CYTH1: variants seen among roughly 807,000 people sequenced by gnomAD.
CYTH1 encodes the protein cytohesin 1.
In CYTH1, 18 loss-of-function variants were observed where a neutral mutation model predicts 61.8. The ratio of observed to expected loss-of-function variants is 0.29; its 90% confidence interval spans 0.20 to 0.43. CYTH1 has a LOEUF of 0.43. Among genes scored for constraint, CYTH1 ranks in the 20% least tolerant of loss-of-function variants. CYTH1 has a pLI of 1.00. For missense variants in CYTH1, 336 were observed against 510.5 expected, an observed-to-expected ratio of 0.66 and a Z score of 3.29; for synonymous variants, 174 against 184.3, an observed-to-expected ratio of 0.94 and a Z score of 0.45.
chr17:78,743,566 C>T (rs796812817), intron 1 of CYTH1, among the ~76,000 whole-genome samples: 3 of 152,174 alleles, frequency 2.0e-5, no homozygotes, highest in African/African-American at 7.2e-5. Context: ...ACTCCAAAAT[C>T]CAAAAAAATA....
intron 7 of CYTH1, among the ~76,000 whole-genome samples, 173 bp from the exon 8 acceptor site, chr17:78,699,141 C>T (rs1265609321): frequency 1.3e-5 from 2 of 152,098 alleles, no homozygotes; most frequent in Non-Finnish European, 2.9e-5. Context: ...CCAAGGCAGG[C>T]AGATCATGAG....
At chr17:78,743,507 G>A (rs1045504779) in intron 1 of CYTH1, among the ~76,000 whole-genome samples, 1 of 152,164 alleles carries the variant, frequency 6.6e-6, no homozygotes, top group African/African-American at 2.4e-5. Flanking sequence ...GGAGCATTTT[G>A]GATTTCCAGT....
rs146998956 is a variant in CYTH1 at position 78,677,100 on chromosome 17, C to T, written c.1119-931G>A. ...ATGAGAAAATGCTTCCGCAGCTCCCCGGGGAATGCTAGGAACTGAAGAGCA... is the reference window on the plus strand; with the variant it reads ...ATGAGAAAATGCTTCCGCAGCTCCCTGGGGAATGCTAGGAACTGAAGAGCA... On this transcript the variant is annotated intron_variant, in intron 13 of 13. Coordinates refer to ENST00000446868, the MANE Select transcript of CYTH1 (RefSeq NM_004762.6). 7.5e-4 allele frequency: 341 copies of T among 455,800 alleles called. 2 individuals are homozygous for T. Among genetic ancestry groups the T allele is most frequent in the African/African-American group, 5.5e-3 (276 of 50,186 alleles). 28.2% of individuals were successfully genotyped at this position (455,800 alleles called of 1,614,324 possible). A position where few individuals can be genotyped will look rare whatever the true frequency, so the allele number is the denominator to read the frequency against.
intron 1 of CYTH1, among the ~76,000 whole-genome samples, chr17:78,731,100 G>A (rs992493702): frequency 3.3e-5 from 5 of 152,080 alleles, no homozygotes; most frequent in South Asian, 2.1e-4. Flanking sequence ...CAGAATCAAC[G>A]CATCACATAG....
chr17:78,749,592 T>TA (rs1318197918), intron 1 of CYTH1, among the ~76,000 whole-genome samples: 4 of 151,938 alleles, frequency 2.6e-5, no homozygotes, highest in Admixed American at 2.6e-4. Flanking sequence ...ATCATGCCAT[T>TA]ATATTCCAGC....
chr17:78,682,315 C>G (rs1430170136), intron 11 of CYTH1, among the ~76,000 whole-genome samples: 1 of 152,098 alleles, frequency 6.6e-6, no homozygotes, highest in African/African-American at 2.4e-5. Context: ...AATGGTTAAC[C>G]TCTTATCAAA....
chr17:78,778,976 G>GAAC (rs1316004583), intron 1 of CYTH1, among the ~76,000 whole-genome samples: 2 of 152,174 alleles, frequency 1.3e-5, no homozygotes, highest in Non-Finnish European at 2.9e-5. Context: ...AAACCTTAAA[G>GAAC]AACTTGGGAG....
rs532945955 is a variant in CYTH1 at position 78,675,350 on chromosome 17, G to C, written c.*741C>G. ...ATCCGCGGGAGATGCCGGACTGCAC[G>C]CTGCTGCCGACTGCGACCCCGGCCA... is the stretch of plus-strand genomic sequence containing the variant. On this transcript the variant is annotated 3_prime_UTR_variant, in exon 14 of 14. Coordinates refer to ENST00000446868, the MANE Select transcript of CYTH1 (RefSeq NM_004762.6). The C allele has an allele frequency of 3.8e-4, 58 of 152,456 alleles. No individual in the cohort carries two copies. The highest frequency in any genetic ancestry group is 1.3e-3 in the African/African-American group (55 of 41,568). 9.4% of individuals were successfully genotyped at this position (152,456 alleles called of 1,614,324 possible). A position where few individuals can be genotyped will look rare whatever the true frequency, so the allele number is the denominator to read the frequency against.
At chr17:78,775,027 A>G (rs1178595148) in intron 1 of CYTH1, among the ~76,000 whole-genome samples, 2 of 152,248 alleles carry the variant, frequency 1.3e-5, no homozygotes, top group African/African-American at 4.8e-5. Context: ...TGTGGCTGGC[A>G]TAACGGCCCT....
chr17:78,772,618 AC>A (rs1213004489), intron 1 of CYTH1, among the ~76,000 whole-genome samples: 1 of 152,086 alleles, frequency 6.6e-6, no homozygotes, highest in Non-Finnish European at 1.5e-5. Flanking sequence ...GCTCACTGCA[AC>A]CTCCGCCTCC....
chr17:78,729,939 GT>G, intron 1 of CYTH1, among the ~76,000 whole-genome samples: 1 of 152,240 alleles, frequency 6.6e-6, no homozygotes, highest in South Asian at 2.1e-4. Context: ...CTGCCTATCT[GT>G]ATATCTGGAT....
chr17:78,780,493 G>T (rs957922887), intron 1 of CYTH1, among the ~76,000 whole-genome samples: 12 of 152,198 alleles, frequency 7.9e-5, no homozygotes, highest in African/African-American at 2.7e-4. Context: ...TCCAGCCTGC[G>T]CAAGAGAGCT....
chr17:78,699,225 G>A (rs1190856523), intron 7 of CYTH1, among the ~76,000 whole-genome samples: 1 of 152,116 alleles, frequency 6.6e-6, no homozygotes, highest in Non-Finnish European at 1.5e-5. Context: ...TTAGCCAGGC[G>A]TGGCTGCACG....
intron 1 of CYTH1, among the ~76,000 whole-genome samples, chr17:78,769,759 G>GT (rs2093463108): frequency 6.6e-6 from 1 of 152,182 alleles, no homozygotes; most frequent in Non-Finnish European, 1.5e-5. Flanking sequence ...GCTCACACCT[G>GT]TAATTCTGAC....
At chr17:78,732,810 C>T (rs1041291607) in intron 1 of CYTH1, among the ~76,000 whole-genome samples, 1 of 151,968 alleles carries the variant, frequency 6.6e-6, no homozygotes, top group South Asian at 2.1e-4. Flanking sequence ...GGATAACCAC[C>T]GGGCGCGGTG....
chr17:78,770,291 C>A (rs1234861170), intron 1 of CYTH1, among the ~76,000 whole-genome samples: 2 of 145,342 alleles, frequency 1.4e-5, no homozygotes, highest in African/African-American at 2.6e-5. Flanking sequence ...CCACTGCACT[C>A]CAGCCTGGGC....
At chr17:78,757,358 T>C (rs1384530501) in intron 1 of CYTH1, among the ~76,000 whole-genome samples, 1 of 152,172 alleles carries the variant, frequency 6.6e-6, no homozygotes, top group East Asian at 1.9e-4. Flanking sequence ...TAAACAGGTC[T>C]TGGTTAGAGG....
intron 1 of CYTH1, among the ~76,000 whole-genome samples, chr17:78,761,754 G>A (rs2093429837): frequency 6.6e-6 from 1 of 152,070 alleles, no homozygotes; most frequent in Non-Finnish European, 1.5e-5. Context: ...AAAAAAAAAA[G>A]AGTGTTATTT....
intron 1 of CYTH1, among the ~76,000 whole-genome samples, chr17:78,756,086 T>TA (rs1202780505): frequency 1.3e-5 from 2 of 149,974 alleles, no homozygotes; most frequent in Non-Finnish European, 3.0e-5. Context: ...TTTATTTTTT[T>TA]TTTTTTTGAG....
Sources: allele counts gnomAD v4.1 joint callset (sites outside exome capture counted in the v4.1 genomes callset), GRCh38; gene constraint gnomAD v4.1.1; transcripts MANE v1.5; gene names NCBI Gene and HGNC (gene_info 2026-07-23, HGNC 2026-07-21).